Variants in PASK observed in about 807,000 individuals in gnomAD.
PASK encodes the protein PAS domain-containing serine/threonine-protein kinase.
Under a neutral mutation model 121.0 loss-of-function variants are expected in PASK, and 110 were observed. The ratio of observed to expected loss-of-function variants is 0.91; its 90% CI spans 0.78 to 1.06. The LOEUF is 1.06. PASK is among the 50% of genes least tolerant of loss of function. The probability of loss-of-function intolerance (pLI) is 0.00; values close to 1 mark genes in which losing one functional copy is unlikely to be tolerated. For missense variants in PASK, 1,643 were observed against 1,702.3 expected, an observed-to-expected ratio of 0.97 and a Z score of 0.61; for synonymous variants, 686 against 717.8, an observed-to-expected ratio of 0.96 and a Z score of 0.71.
In PASK at chr2:241,115,301, G is replaced by A. The variant is rs1432238214; in HGVS notation, c.3185C>T (p.Ala1062Val). 6.2e-7 allele frequency: 1 copy of A among 1,613,978 alleles called. No individual in the cohort carries two copies. Among genetic ancestry groups the A allele is most frequent in the Admixed American group, 1.7e-5 (1 of 60,010 alleles). ...EIAILSRVEH[A>V]NIIKVLDIFE... ...GGAAACCATCACCTTGATGATATTGGCGTGCTCCACCCTGGATAGAATTGC... is the reference window on the plus strand; with the variant it reads ...GGAAACCATCACCTTGATGATATTGACGTGCTCCACCCTGGATAGAATTGC... Residue 1062 changes from alanine (A) to valine (V), a missense_variant, in exon 13 of 18, where the codon GCC becomes GTC. This residue lies in a region of PASK where 453 missense variants were observed against 511.2 expected (regional missense o/e 0.89). Transcript: ENST00000234040.
At chr2:241,128,397 G>A (rs2065973553) in intron 9 of PASK, among the ~76,000 whole-genome samples, 1 of 152,236 alleles carries the variant, frequency 6.6e-6, no homozygotes, top group African/African-American at 2.4e-5. Flanking sequence ...GGTGACCCAT[G>A]AGGAGGCTGC....
chr2:241,108,450 C>T lies in PASK; in HGVS notation c.3534-150G>A. 5 of 772,262 alleles carry T rather than the reference C, an allele frequency of 6.5e-6. No homozygotes were observed. Among genetic ancestry groups the T allele is most frequent in the Admixed American group, 2.0e-5 (1 of 49,646 alleles). The allele number at this position is 772,262 out of a possible 1,614,324, so 47.8% of individuals were successfully genotyped here. On this transcript the variant is annotated intron_variant, in intron 15 of 17. Transcript: ENST00000234040. This position sits in a 1 kb window ranked among gnomAD's most constrained non-coding sequence, Gnocchi z 5.2. The stretch of plus-strand genomic sequence containing the variant: ...GGGTCACTCCACCCCTCAAACACGC[C>T]CTCCATTTCCACGCACTTCTGCCCC...
chr2:241,125,093 G>A (rs2065793776), intron 10 of PASK, among the ~76,000 whole-genome samples: 1 of 152,124 alleles, frequency 6.6e-6, no homozygotes, highest in South Asian at 2.1e-4. Flanking sequence ...AAGGTCAGGA[G>A]TTCGAGACCA....
Position 241,108,057 on chromosome 2 carries a change from G to T in PASK, c.3667+110C>A. 22 of 1,007,706 alleles carry T rather than the reference G, an allele frequency of 2.2e-5. No homozygotes were observed. The South Asian group carries it at 2.7e-4, about 12-fold the overall frequency. The allele number at this position is 1,007,706 out of a possible 1,614,324, so 62.4% of individuals were successfully genotyped here. ...TTTGATGAATAGAAAAGAAACAAAT[G>T]AGACTGTTGATATGGACAGAGATAC... On this transcript the variant is annotated intron_variant, in intron 16 of 17. Transcript: ENST00000234040. The surrounding 1 kb of genome is among the most constrained non-coding windows in gnomAD (Gnocchi z 5.2).
At chr2:241,146,043 T>C (rs1358742992) in intron 1 of PASK, among the ~76,000 whole-genome samples, 1 of 151,984 alleles carries the variant, frequency 6.6e-6, no homozygotes, top group Non-Finnish European at 1.5e-5. Flanking sequence ...GCCACATACA[T>C]AACCAACAGA....
chr2:241,147,156 G>A (rs181262760), intron 1 of PASK, among the ~76,000 whole-genome samples: 5 of 152,244 alleles, frequency 3.3e-5, no homozygotes, highest in East Asian at 3.9e-4. Flanking sequence ...TATAGTGTGA[G>A]GCAGTTTTTT....
chr2:241,121,389 A>G (rs1164692677), intron 12 of PASK, among the ~76,000 whole-genome samples: 1 of 152,236 alleles, frequency 6.6e-6, no homozygotes, highest in African/African-American at 2.4e-5. Context: ...ATTAAAAACT[A>G]ACAAGAAACA....
Position 241,142,888 on chromosome 2 carries a change from T to G in PASK, c.145A>C (p.Ser49Arg). ...AGTCTGGAAAGCCCATTCCTTCTGC[T>G]CAGGTGTCTGTGGGCTGAGGAAAAC... is the stretch of plus-strand genomic sequence containing the variant. ...RSFSSAHRHL[S>R]RRNGLSRLCQ... Residue 49 changes from serine to arginine, a missense_variant, in exon 2 of 18, where the codon AGC (serine) becomes CGC (arginine). Transcript: ENST00000234040. 6.2e-7 allele frequency: 1 copy of G among 1,614,100 alleles called. No individual in the cohort carries two copies. Among genetic ancestry groups the G allele is most frequent in the Non-Finnish European group, 8.5e-7 (1 of 1,179,986 alleles).
At position 241,132,986 on chromosome 2, in the gene PASK, G is replaced by C. The variant is rs140101325; in HGVS notation, c.1351C>G (p.Arg451Gly). Reference protein sequence around the residue: ...VVLAGGHVVPRDEIRKLMESQ... With the variant: ...VVLAGGHVVPGDEIRKLMESQ... ...TCCATCAGCTTCCGGATCTCATCTCGGGGCACAACGTGGCCACCAGCAAGC... is the reference window on the plus strand; with the variant it reads ...TCCATCAGCTTCCGGATCTCATCTCCGGGCACAACGTGGCCACCAGCAAGC... Residue 451 changes from arginine to glycine, a missense_variant, in exon 9 of 18, where the codon CGA (arginine) becomes GGA (glycine). Coordinates refer to ENST00000234040, the MANE Select transcript of PASK (RefSeq NM_015148.4). The C allele has an allele frequency of 2.5e-6, 4 of 1,613,904 alleles. No individual in the cohort carries two copies. In the African/African-American group the frequency reaches 4.0e-5, roughly 16 times the overall value.
In PASK at chr2:241,139,958, G is replaced by C. The variant is rs915078036; in HGVS notation, c.527C>G (p.Ser176Cys). 2.5e-6 allele frequency: 4 copies of C among 1,613,990 alleles called. No individual in the cohort carries two copies. The highest frequency in any genetic ancestry group is 1.6e-4 in the Middle Eastern group (1 of 6,084). The change falls in exon 4 of 18, where the codon TCT (serine) becomes TGT (cysteine). Residue 176 changes from serine to cysteine, a missense_variant. Coordinates refer to ENST00000234040, the MANE Select transcript of PASK (RefSeq NM_015148.4). ...KLTQFFLRSD[S>C]DVVEALSEEH... is the part of the protein sequence containing the mutation. ...CTCGCTGAGGGCCTCCACCACATCA[G>C]AATCTGACCTCAGAAAGAACTGCGT...
chr2:241,128,181 G>A (rs2065964134), intron 9 of PASK, among the ~76,000 whole-genome samples: 1 of 152,242 alleles, frequency 6.6e-6, no homozygotes, highest in African/African-American at 2.4e-5. Context: ...CTTGGAGGCT[G>A]AGGCAGGAGA....
intron 8 of PASK, 121 bp from the exon 9 acceptor site, chr2:241,133,151 A>T: frequency 1.0e-6 from 1 of 1,001,206 alleles, no homozygotes; most frequent in Non-Finnish European, 1.6e-6. Flanking sequence ...ACCACCTCTC[A>T]CCACCCCAGG....
chr2:241,110,597 A>C (rs1249006334), intron 15 of PASK, among the ~76,000 whole-genome samples: 1 of 152,192 alleles, frequency 6.6e-6, no homozygotes, highest in Non-Finnish European at 1.5e-5. Context: ...CAGCTCTGGG[A>C]GGCAGGGCCA....
At chr2:241,150,311 G>C, upstream of PASK, 2 of 1,335,508 alleles carry the variant, frequency 1.5e-6, no homozygotes, top group Non-Finnish European at 1.9e-6. Flanking sequence ...CCTGCTCTGG[G>C]GGAGGCGCGG....
chr2:241,114,245 G>A, intron 14 of PASK: 2 of 985,410 alleles, frequency 2.0e-6, no homozygotes, highest in South Asian at 4.7e-5. Context: ...AGGAGCCTGA[G>A]AAACTAAACT....
chr2:241,110,558 G>T (rs2065067061), intron 15 of PASK, among the ~76,000 whole-genome samples: 4 of 152,216 alleles, frequency 2.6e-5, no homozygotes, highest in Admixed American at 1.3e-4. Context: ...CCCTGGCAGG[G>T]CAGGCGCTCA....
At chr2:241,111,772 G>A (rs1259704980) in intron 15 of PASK, among the ~76,000 whole-genome samples, 1 of 152,214 alleles carries the variant, frequency 6.6e-6, no homozygotes, top group Non-Finnish European at 1.5e-5. Flanking sequence ...TGGCTGGTCA[G>A]CGACAGCCCC....
intron 15 of PASK, among the ~76,000 whole-genome samples, chr2:241,111,810 G>A (rs10200555): frequency 0.24 from 35,814 of 152,100 alleles, 6,601 homozygotes; most frequent in African/African-American, 0.5. Flanking sequence ...CCTTCAGCAC[G>A]AATCCTCTGC....
At chr2:241,120,696 G>C (rs536099803) in intron 12 of PASK, among the ~76,000 whole-genome samples, 1 of 152,300 alleles carries the variant, frequency 6.6e-6, no homozygotes, top group Admixed American at 6.5e-5. Flanking sequence ...AGGATATGTA[G>C]ACCAGGAACC....
Sources: gnomAD v4.1 joint callset for allele counts (sites outside exome capture counted in the v4.1 genomes callset) on GRCh38, gnomAD v4.1.1 for gene constraint, gnomAD v4.1.1 regional missense constraint, Gnocchi (gnomAD v3.1) non-coding constraint, MANE v1.5 for transcripts, NCBI Gene and HGNC (gene_info 2026-07-23, HGNC 2026-07-21) for gene names.